EPHA5: variants seen among roughly 807,000 people sequenced by gnomAD.
The protein encoded by EPHA5 is EPH receptor A5, also known as ephrin type-A receptor 5.
Under a neutral mutation model 105.0 loss-of-function variants are expected in EPHA5, and 60 were observed. The observed-to-expected ratio is 0.57, with a 90% confidence interval of 0.46 to 0.71. The LOEUF (loss-of-function observed/expected upper bound fraction) is 0.71, where lower values mean the gene tolerates loss of function less well. Ranked by LOEUF, EPHA5 falls within the 30% of genes least tolerant of loss-of-function variation. The pLI is 0.00. For synonymous variants in EPHA5, 513 were observed against 449.1 expected (o/e 1.14, Z -1.80); for missense variants, 1,218 against 1,274.7 (o/e 0.96, Z 0.68).
At position 65,513,862 on chromosome 4, in the gene EPHA5, C is replaced by T. The variant is rs183428622; in HGVS notation, c.911-18319G>A. 2.0e-5 allele frequency among the ~76,000 whole-genome samples: 3 copies of T among 152,238 alleles called. No homozygotes were observed. In the East Asian group the frequency reaches 5.8e-4, roughly 29 times the overall value. On this transcript the variant is annotated intron_variant, in intron 3 of 16. Coordinates refer to ENST00000613740, the MANE Select transcript of EPHA5 (RefSeq NM_001281766.3). ...TTTTAACGTTTTTACACTTAACCTC[C>T]CATGTTATCCCTTACCTATTGAATC...
At chr4:65,526,641 G>A (rs1735259168) in intron 3 of EPHA5, among the ~76,000 whole-genome samples, 3 of 151,794 alleles carry the variant, frequency 2.0e-5, no homozygotes, top group African/African-American at 7.3e-5. Context: ...GTATCTACAT[G>A]AGCTCAAATC....
chr4:65,551,125 A>T (rs554385784), intron 3 of EPHA5, among the ~76,000 whole-genome samples: 1 of 151,360 alleles, frequency 6.6e-6, no homozygotes, highest in Non-Finnish European at 1.5e-5. Flanking sequence ...ATTTACATAC[A>T]TATATAAATG....
At chr4:65,646,523 T>C (rs1748126617) in intron 1 of EPHA5, among the ~76,000 whole-genome samples, 1 of 152,180 alleles carries the variant, frequency 6.6e-6, no homozygotes, top group Admixed American at 6.5e-5. Context: ...GTCAGGTATG[T>C]GGTGAAACAT....
intron 2 of EPHA5, among the ~76,000 whole-genome samples, chr4:65,622,109 A>G (rs1047373973): frequency 6.6e-6 from 1 of 152,140 alleles, no homozygotes; most frequent in African/African-American, 2.4e-5. Flanking sequence ...GAATACTTAC[A>G]TTACTCCCGT....
chr4:65,452,060 T>A (rs1389996336), intron 5 of EPHA5, among the ~76,000 whole-genome samples: 3 of 152,194 alleles, frequency 2.0e-5, no homozygotes, highest in Non-Finnish European at 4.4e-5. Flanking sequence ...ATCTATCCAG[T>A]AAATATTTTT....
At chr4:65,641,698 C>A (rs1747684329) in intron 2 of EPHA5, among the ~76,000 whole-genome samples, 1 of 151,990 alleles carries the variant, frequency 6.6e-6, no homozygotes, top group Admixed American at 6.5e-5. Context: ...TTAAGCCCCT[C>A]TAAATTAACT....
intron 3 of EPHA5, among the ~76,000 whole-genome samples, chr4:65,585,518 G>C (rs915681173): frequency 6.6e-6 from 1 of 151,746 alleles, no homozygotes; most frequent in African/African-American, 2.4e-5. Flanking sequence ...GCTTTTGTGA[G>C]TTGAAACAGG....
chr4:65,651,684 C>A (rs969259948), intron 1 of EPHA5, among the ~76,000 whole-genome samples: 5 of 152,086 alleles, frequency 3.3e-5, no homozygotes, highest in Non-Finnish European at 7.4e-5. Context: ...TATTTTTCAT[C>A]ACCACAAAGA....
intron 3 of EPHA5, among the ~76,000 whole-genome samples, chr4:65,513,447 C>T (rs530470557): frequency 1.3e-5 from 2 of 151,952 alleles, no homozygotes; most frequent in Non-Finnish European, 2.9e-5. Context: ...AGTGCAGTGA[C>T]GCAATCTTGG....
intron 2 of EPHA5, among the ~76,000 whole-genome samples, chr4:65,633,377 G>T (rs1262156262): frequency 6.6e-6 from 1 of 151,424 alleles, no homozygotes; most frequent in Non-Finnish European, 1.5e-5. Context: ...GGAAAAAAAA[G>T]ATCATGATAA....
chr4:65,537,445 A>G (rs570338236), intron 3 of EPHA5, among the ~76,000 whole-genome samples: 26 of 151,950 alleles, frequency 1.7e-4, no homozygotes, highest in African/African-American at 6.0e-4. Context: ...CTGCCAGAGA[A>G]TGCTTACCTA....
intron 8 of EPHA5, among the ~76,000 whole-genome samples, chr4:65,397,237 G>T (rs999711365): frequency 3.3e-5 from 5 of 152,118 alleles, no homozygotes; most frequent in African/African-American, 1.2e-4. Flanking sequence ...GGAGAAAGGT[G>T]GACCTCCTCC....
chr4:65,644,109 T>G (rs1402975218), intron 1 of EPHA5, among the ~76,000 whole-genome samples: 1 of 151,896 alleles, frequency 6.6e-6, no homozygotes, highest in Non-Finnish European at 1.5e-5. Context: ...TGTAGAACTG[T>G]CAGATATATT....
chr4:65,389,389 G>A (rs1720475920), intron 8 of EPHA5, among the ~76,000 whole-genome samples: 1 of 151,930 alleles, frequency 6.6e-6, no homozygotes, highest in African/African-American at 2.4e-5. Context: ...TATTTCTGAA[G>A]ATTCAACTCT....
At chr4:65,440,499 T>TACACACACACACACACACACACACAC (rs71657410) in intron 5 of EPHA5, among the ~76,000 whole-genome samples, 9 of 143,358 alleles carry the variant, frequency 6.3e-5, no homozygotes, top group African/African-American at 2.3e-4. Flanking sequence ...TCCTAAATCT[T>TACACACACACACACACACACACACAC]ACACACACAC....
chr4:65,474,147 G>A (rs986898219), intron 5 of EPHA5, among the ~76,000 whole-genome samples: 1 of 151,788 alleles, frequency 6.6e-6, no homozygotes, highest in Non-Finnish European at 1.5e-5. Context: ...TTGTGCACAT[G>A]TACCCTAGAA....
chr4:65,428,534 G>GA, intron 5 of EPHA5, among the ~76,000 whole-genome samples: 2 of 151,932 alleles, frequency 1.3e-5, no homozygotes, highest in Admixed American at 6.6e-5. Context: ...GCCTGCAACT[G>GA]GATCTTTTGA....
chr4:65,598,752 C>T (rs558323990), intron 3 of EPHA5, among the ~76,000 whole-genome samples: 41 of 152,042 alleles, frequency 2.7e-4, no homozygotes, highest in Non-Finnish European at 4.7e-4. Flanking sequence ...CAAGAATAAT[C>T]CATGCAAGAG....
Position 65,394,326 on chromosome 4 carries a change from T to A in EPHA5, c.1793+10048A>T, listed in dbSNP as rs951924197. On this transcript the variant is annotated intron_variant, in intron 8 of 16. Coordinates refer to ENST00000613740, the MANE Select transcript of EPHA5 (RefSeq NM_001281766.3). ...ACACAAAAGTTCAAAAGTTGAATAA[T>A]CACAAGTCTTGGGGAAGTTATATCC... Among the ~76,000 whole-genome samples, 4 of 152,184 alleles carry A rather than the reference T, an allele frequency of 2.6e-5. No homozygotes were observed. The East Asian group carries it at 7.7e-4, about 29-fold the overall frequency.
Sources: gnomAD v4.1 joint callset for allele counts (sites outside exome capture counted in the v4.1 genomes callset) on GRCh38, gnomAD v4.1.1 for gene constraint, MANE v1.5 for transcripts, NCBI Gene and HGNC (gene_info 2026-07-23, HGNC 2026-07-21) for gene names.